Variants in ZNF800 observed in about 807,000 individuals in gnomAD.
ZNF800 encodes zinc finger protein 800.
A neutral mutation model predicts 59.5 loss-of-function variants in ZNF800; 13 were observed. That is an observed-to-expected ratio of 0.22 (90% CI 0.14 to 0.35). The LOEUF is 0.35. Ranked by LOEUF, ZNF800 falls within the 10% of genes least tolerant of loss-of-function variation. ZNF800 has a pLI of 1.00. For missense variants in ZNF800, 621 were observed against 783.7 expected (o/e 0.79, Z 2.48); for synonymous variants, 266 against 265.7 (o/e 1.00, Z -0.01).
chr7:127,366,056 CA>C (rs1800500434), downstream of ZNF800, among the ~76,000 whole-genome samples: 1 of 152,028 alleles, frequency 6.6e-6, no homozygotes, highest in African/African-American at 2.4e-5. Flanking sequence ...ATTTTACAGA[CA>C]GGAAAATTGA....
At chr7:127,385,991 T>C in intron 3 of ZNF800, 69 bp downstream of exon 3, 1 of 998,124 alleles carries the variant, frequency 1.0e-6, no homozygotes, top group South Asian at 1.5e-5. Context: ...AAAAATTATT[T>C]CTAAGGACTT....
intron 1 of ZNF800, chr7:127,363,124 G>T (rs1800428687): frequency 6.6e-6 from 1 of 152,076 alleles, no homozygotes; most frequent in Non-Finnish European, 1.5e-5. Context: ...GAGCACATAG[G>T]AAGAAATTTT....
At chr7:127,375,854 T>C (rs941940451) in intron 4 of ZNF800, among the ~76,000 whole-genome samples, 1 of 151,984 alleles carries the variant, frequency 6.6e-6, no homozygotes, top group African/African-American at 2.4e-5. Context: ...AAGTGATTCA[T>C]TATAGCTCTT....
intron 1 of ZNF800, among the ~76,000 whole-genome samples, chr7:127,364,974 A>T (rs573149793): frequency 5.3e-4 from 80 of 152,268 alleles, no homozygotes; most frequent in African/African-American, 1.8e-3. Context: ...TGTAAATGAG[A>T]GAAAGCACAA....
At chr7:127,381,403 T>C (rs1408285412) in intron 3 of ZNF800, among the ~76,000 whole-genome samples, 3 of 151,562 alleles carry the variant, frequency 2.0e-5, no homozygotes, top group African/African-American at 7.3e-5. Flanking sequence ...AAATTGAAAG[T>C]TCTATCCTAA....
chr7:127,366,930 C>A (rs28952016), downstream of ZNF800, among the ~76,000 whole-genome samples: 1 of 152,098 alleles, frequency 6.6e-6, no homozygotes, highest in Non-Finnish European at 1.5e-5. Context: ...GAAGATTGAA[C>A]TCAAGCTGTA....
chr7:127,348,075 G>A (rs1800103139), intron 1 of ZNF800: 1 of 151,732 alleles, frequency 6.6e-6, no homozygotes, highest in African/African-American at 2.4e-5. Flanking sequence ...GCGGTCCCCA[G>A]GGAGGAAAGA....
At chr7:127,376,926 T>C (rs1363979389) in intron 4 of ZNF800, among the ~76,000 whole-genome samples, 2 of 151,946 alleles carry the variant, frequency 1.3e-5, no homozygotes, top group African/African-American at 4.8e-5. Flanking sequence ...TAAATAAATA[T>C]CCTCTTAAAT....
At chr7:127,346,430 G>T (rs1295185058), downstream of ZNF800, among the ~76,000 whole-genome samples, 1 of 152,170 alleles carries the variant, frequency 6.6e-6, no homozygotes, top group Non-Finnish European at 1.5e-5. Context: ...GAAGGCAGAT[G>T]GTAAGATTTC....
chr7:127,363,848 TAGA>T (rs1800445306), intron 1 of ZNF800: 2 of 151,994 alleles, frequency 1.3e-5, no homozygotes, highest in South Asian at 4.2e-4. Context: ...AAAATAAACA[TAGA>T]AGATGAAAAA....
intron 5 of ZNF800, chr7:127,373,025 T>C (rs1800675482): frequency 1.0e-6 from 1 of 985,136 alleles, no homozygotes; most frequent in African/African-American, 1.7e-5. Context: ...AGACTTCTAT[T>C]GTAAACATAA....
chr7:127,349,476 G>A (rs528647639), intron 1 of ZNF800, among the ~76,000 whole-genome samples: 2 of 152,302 alleles, frequency 1.3e-5, no homozygotes, highest in South Asian at 4.1e-4. Context: ...TTAAGCTGAA[G>A]TGAGCTCAGA....
At position 127,377,536 on chromosome 7, in the gene ZNF800, G is replaced by A. The variant is rs1451154488; in HGVS notation, c.158-207C>T. 6.6e-6 allele frequency among the ~76,000 whole-genome samples: 1 copy of A among 151,942 alleles called. No individual in the cohort carries two copies. Among genetic ancestry groups the A allele is most frequent in the Non-Finnish European group, 1.5e-5 (1 of 67,902 alleles). On this transcript the variant is annotated intron_variant, in intron 3 of 5. Coordinates refer to ENST00000265827, the MANE Select transcript of ZNF800 (RefSeq NM_176814.5). The surrounding 1 kb of genome is among the most constrained non-coding windows in gnomAD (Gnocchi z 4.7). ...CCCTACTATCATTTGGAAATCAGGA[G>A]AACTAAAATTGATGCTGTGTTCCCA... is the stretch of plus-strand genomic sequence containing the variant.
downstream of ZNF800, among the ~76,000 whole-genome samples, chr7:127,344,947 A>G (rs1287357888): frequency 6.6e-6 from 1 of 152,232 alleles, no homozygotes; most frequent in African/African-American, 2.4e-5. Flanking sequence ...TAACACCAAA[A>G]GCAGAAATCA....
intron 3 of ZNF800, among the ~76,000 whole-genome samples, chr7:127,379,454 T>C (rs1401494607): frequency 6.6e-6 from 1 of 152,114 alleles, no homozygotes; most frequent in African/African-American, 2.4e-5. Flanking sequence ...CAAAAAAGAT[T>C]GAAGAGGAAC....
At chr7:127,343,537 G>A (rs1328827515), downstream of ZNF800, among the ~76,000 whole-genome samples, 1 of 152,062 alleles carries the variant, frequency 6.6e-6, no homozygotes, top group Non-Finnish European at 1.5e-5. Flanking sequence ...TCAGAGAATT[G>A]TCTTCTACTC....
Position 127,374,592 on chromosome 7 carries a change from G to A in ZNF800, c.744C>T (p.His248=). Residue 248 remains histidine, a synonymous_variant, in exon 5 of 6, where the codon CAC becomes CAT. Coordinates refer to ENST00000265827, the MANE Select transcript of ZNF800 (RefSeq NM_176814.5). ...TCTTTTTCTTGTGTACTTTTCGAATGTGACGGCGAACACCTCGTCTAGAAT... is the reference window on the plus strand; with the variant it reads ...TCTTTTTCTTGTGTACTTTTCGAATATGACGGCGAACACCTCGTCTAGAAT... ...EFNSRRGVRR[H]IRKVHKKKME... The A allele has an allele frequency of 6.2e-7, 1 of 1,614,098 alleles. No homozygotes were observed. The highest frequency in any genetic ancestry group is 1.3e-5 in the African/African-American group (1 of 75,040).
intron 3 of ZNF800, among the ~76,000 whole-genome samples, chr7:127,379,852 A>ACCCCCCCCCCCCCC (rs1562907479): frequency 3.7e-4 from 6 of 16,156 alleles, no homozygotes; most frequent in Non-Finnish European, 4.8e-4. Flanking sequence ...CCACCCCCCC[A>ACCCCCCCCCCCCCC]CCCCCCCCAC....
At chr7:127,356,781 GTT>G (rs1020780599) in intron 1 of ZNF800, among the ~76,000 whole-genome samples, 3 of 151,434 alleles carry the variant, frequency 2.0e-5, no homozygotes, top group African/African-American at 7.3e-5. Context: ...GTGTGTGTGT[GTT>G]TTTTTTACTC....
Sources: gnomAD v4.1 joint callset for allele counts (sites outside exome capture counted in the v4.1 genomes callset) on GRCh38, gnomAD v4.1.1 for gene constraint, Gnocchi (gnomAD v3.1) non-coding constraint, MANE v1.5 for transcripts, NCBI Gene and HGNC (gene_info 2026-07-23, HGNC 2026-07-21) for gene names.